The following PCDHA10 variants were observed in gnomAD, a reference collection of about 807,000 sequenced individuals.
PCDHA10 encodes the protein protocadherin alpha 10.
PCDHA10 carries 45 observed loss-of-function variants against 61.2 expected under a neutral mutation model. The ratio of observed to expected loss-of-function variants is 0.74; its 90% CI spans 0.58 to 0.94. The LOEUF (loss-of-function observed/expected upper bound fraction) is 0.94. Among genes scored for constraint, PCDHA10 ranks in the 40% least tolerant of loss-of-function variants. The pLI, the probability that PCDHA10 is intolerant of heterozygous loss-of-function variation, is 0.00. For missense variants in PCDHA10, 1,278 were observed against 1,236.2 expected, an observed-to-expected ratio of 1.03 and a Z score of -0.51; for synonymous variants, 602 against 548.8, an observed-to-expected ratio of 1.10 and a Z score of -1.35.
chr5:140,934,555 CT>C (rs1355336850), intron 1 of PCDHA10, among the ~76,000 whole-genome samples: 2 of 151,972 alleles, frequency 1.3e-5, no homozygotes, highest in African/African-American at 2.4e-5. Context: ...ATCATTTCTT[CT>C]TTTTTTTAAT....
intron 1 of PCDHA10, chr5:140,929,773 G>A (rs554286771): frequency 5.8e-6 from 1 of 173,032 alleles, no homozygotes; most frequent in East Asian, 1.8e-4. Context: ...AACCACAAAA[G>A]ATGTAAAAAT....
intron 1 of PCDHA10, chr5:140,870,602 A>G: frequency 6.2e-7 from 1 of 1,613,246 alleles, no homozygotes; most frequent in Non-Finnish European, 8.5e-7. Flanking sequence ...CGGTTGGGCG[A>G]CCGCGCGCTG....
chr5:140,994,667 T>G (rs2097644091), intron 3 of PCDHA10, among the ~76,000 whole-genome samples: 1 of 152,140 alleles, frequency 6.6e-6, no homozygotes, highest in Non-Finnish European at 1.5e-5. Flanking sequence ...ATCACACTAC[T>G]GCACTCCAGC....
At chr5:140,985,577 G>A (rs1265916995) in intron 3 of PCDHA10, among the ~76,000 whole-genome samples, 1 of 152,116 alleles carries the variant, frequency 6.6e-6, no homozygotes, top group Non-Finnish European at 1.5e-5. Flanking sequence ...TGGTGCCTAA[G>A]CCTCCTTATA....
intron 1 of PCDHA10, among the ~76,000 whole-genome samples, chr5:140,896,083 T>G (rs1202809868): frequency 6.6e-6 from 1 of 152,184 alleles, no homozygotes; most frequent in African/African-American, 2.4e-5. Context: ...CATGCTGGGA[T>G]TACAGGCGTG....
At chr5:140,912,178 G>A (rs2153520957) in intron 1 of PCDHA10, among the ~76,000 whole-genome samples, 1 of 152,266 alleles carries the variant, frequency 6.6e-6, no homozygotes, top group South Asian at 2.1e-4. Flanking sequence ...GCTGGCAGCT[G>A]ATTAGATTGT....
intron 1 of PCDHA10, among the ~76,000 whole-genome samples, chr5:140,977,523 C>G (rs1393138256): frequency 2.0e-5 from 3 of 152,070 alleles, no homozygotes; most frequent in African/African-American, 7.2e-5. Flanking sequence ...AACTTGAAAA[C>G]AAAGGAGGAA....
chr5:140,979,175 AAT>A, intron 2 of PCDHA10, 168 bp downstream of exon 2: 3 of 951,630 alleles, frequency 3.2e-6, no homozygotes, highest in Non-Finnish European at 3.8e-6. Flanking sequence ...AAAGATCGCA[AAT>A]GGTCAGTGCC....
At chr5:140,970,009 A>G (rs2096376687) in intron 1 of PCDHA10, among the ~76,000 whole-genome samples, 2 of 152,174 alleles carry the variant, frequency 1.3e-5, no homozygotes, top group African/African-American at 4.8e-5. Flanking sequence ...GGAGTGGATG[A>G]TGGTGAGGCA....
intron 1 of PCDHA10, chr5:140,875,613 C>G (rs2055652849): frequency 8.1e-6 from 13 of 1,613,708 alleles, no homozygotes; most frequent in Non-Finnish European, 1.1e-5. Flanking sequence ...TCGTGGGCCG[C>G]ATCGCTCAGG....
At chr5:140,969,963 AT>A (rs2096372822) in intron 1 of PCDHA10, among the ~76,000 whole-genome samples, 1 of 152,204 alleles carries the variant, frequency 6.6e-6, no homozygotes. Context: ...CTTTGGCTGT[AT>A]GATGTGGCAA....
intron 3 of PCDHA10, among the ~76,000 whole-genome samples, chr5:141,009,392 G>A (rs1016452113): frequency 2.6e-5 from 4 of 152,184 alleles, no homozygotes; most frequent in Non-Finnish European, 4.4e-5. Flanking sequence ...ACAGGAGGTC[G>A]AGGCTGCAGT....
chr5:140,939,733 C>T (rs1433987863), intron 1 of PCDHA10, among the ~76,000 whole-genome samples: 2 of 152,162 alleles, frequency 1.3e-5, no homozygotes, highest in Non-Finnish European at 2.9e-5. Flanking sequence ...TTGTGTGTAG[C>T]TGTGTATCAT....
chr5:140,928,563 T>C lies in PCDHA10; in HGVS notation c.2389-50386T>C, dbSNP rs138980511. 9.3e-4 allele frequency: 1,498 copies of C among 1,614,116 alleles called. 1 individual carries two copies. Among genetic ancestry groups the C allele is most frequent in the Non-Finnish European group, 1.2e-3 (1,397 of 1,180,050 alleles). On this transcript the variant is annotated intron_variant, in intron 1 of 3. Coordinates refer to ENST00000307360, the MANE Select transcript of PCDHA10 (RefSeq NM_018901.4). ...ATGACAATTATCCGGTTATCTTGTT[T>C]CCCTTGCCCAGAAATGGTTCTGTCC...
rs1374109552 is a variant in PCDHA10 at position 141,010,068 on chromosome 5, T to C, written c.*131T>C. On this transcript the variant is annotated 3_prime_UTR_variant, in exon 4 of 4. Transcript: ENST00000307360. ...AGAGACCTCAGAAATCTGCAGAAAGTTCCCTGTGTCTGTCTAGAACGCATT... is the reference window on the plus strand; with the variant it reads ...AGAGACCTCAGAAATCTGCAGAAAGCTCCCTGTGTCTGTCTAGAACGCATT... 4 of 1,604,732 alleles carry C rather than the reference T, an allele frequency of 2.5e-6. No homozygotes were observed. Among genetic ancestry groups the C allele is most frequent in the Non-Finnish European group, 3.4e-6 (4 of 1,175,400 alleles).
intron 1 of PCDHA10, chr5:140,928,604 C>T: frequency 6.2e-7 from 1 of 1,614,198 alleles, no homozygotes; most frequent in Non-Finnish European, 8.5e-7. Context: ...GAAATTGTGC[C>T]CCGCTCTGCC....
At chr5:140,926,320 C>T (rs555057115) in intron 1 of PCDHA10, 1 of 152,240 alleles carries the variant, frequency 6.6e-6, no homozygotes, top group Non-Finnish European at 1.5e-5. Context: ...AGAGGTGCGC[C>T]GGGGTCAGAG....
chr5:140,888,239 C>G (rs1361679058), intron 1 of PCDHA10, among the ~76,000 whole-genome samples: 3 of 151,992 alleles, frequency 2.0e-5, no homozygotes, highest in Non-Finnish European at 4.4e-5. Flanking sequence ...TGTGCGTGTT[C>G]CTTTAAAGCA....
At chr5:140,966,973 G>T in intron 1 of PCDHA10, 1 of 1,603,054 alleles carries the variant, frequency 6.2e-7, no homozygotes. Flanking sequence ...GGCTTGAGCT[G>T]CGGCGCTTGG....
Sources: allele counts gnomAD v4.1 joint callset (sites outside exome capture counted in the v4.1 genomes callset), GRCh38; gene constraint gnomAD v4.1.1; transcripts MANE v1.5; gene names NCBI Gene and HGNC (gene_info 2026-07-23, HGNC 2026-07-21).